FTCDNL1: variants seen among roughly 807,000 people sequenced by gnomAD.
The protein encoded by FTCDNL1 is formiminotransferase cyclodeaminase N-terminal like.
A neutral mutation model predicts 5.9 loss-of-function variants in FTCDNL1; 11 were observed. That is an observed-to-expected ratio of 1.87 (90% confidence interval 1.18 to 3.10). The LOEUF (loss-of-function observed/expected upper bound fraction) is 3.10. Ranked by LOEUF, FTCDNL1 falls within the 30% of genes most tolerant of loss-of-function variation. The pLI is 0.00. For synonymous variants in FTCDNL1, 58 were observed against 24.8 expected, an observed-to-expected ratio of 2.34 and a Z score of -3.99; for missense variants, 115 against 65.5, an observed-to-expected ratio of 1.76 and a Z score of -2.61.
the FTCDNL1 span, among the ~76,000 whole-genome samples, chr2:199,734,608 T>C: frequency 6.6e-6 from 1 of 152,220 alleles, no homozygotes; most frequent in Non-Finnish European, 1.5e-5. Flanking sequence ...TTATTATTAT[T>C]CTGGACCCAA....
chr2:199,715,168 A>G, the FTCDNL1 span, among the ~76,000 whole-genome samples: 1 of 151,894 alleles, frequency 6.6e-6, no homozygotes, highest in African/African-American at 2.4e-5. Flanking sequence ...GACTTTTTGT[A>G]ATTCAAGCAA....
the FTCDNL1 span, among the ~76,000 whole-genome samples, chr2:199,678,473 T>A: frequency 6.6e-6 from 1 of 152,118 alleles, no homozygotes; most frequent in Non-Finnish European, 1.5e-5. Flanking sequence ...TTTTAAAGAA[T>A]AATTTAATTT....
chr2:199,710,251 T>C, the FTCDNL1 span, among the ~76,000 whole-genome samples: 973 of 152,304 alleles, frequency 6.4e-3, 12 homozygotes, highest in African/African-American at 0.022. Context: ...AACGCTGAAG[T>C]GCTATCTAAC....
chr2:199,714,090 T>C, the FTCDNL1 span, among the ~76,000 whole-genome samples: 2 of 152,214 alleles, frequency 1.3e-5, no homozygotes, highest in African/African-American at 2.4e-5. Context: ...AGGAAAACTA[T>C]TTTGAATTTA....
At chr2:199,753,353 A>C in the FTCDNL1 span, among the ~76,000 whole-genome samples, 1 of 152,232 alleles carries the variant, frequency 6.6e-6, no homozygotes, top group Non-Finnish European at 1.5e-5. Context: ...GAGGAGGTGC[A>C]GCAGGGGACA....
intron 3 of FTCDNL1, among the ~76,000 whole-genome samples, chr2:199,833,254 G>A (rs999946671): frequency 6.6e-5 from 10 of 152,288 alleles, no homozygotes; most frequent in Admixed American, 5.2e-4. Context: ...TTACAGGCAT[G>A]AGCCAGTGTG....
At chr2:199,845,038 A>G (rs2076692956) in intron 3 of FTCDNL1, among the ~76,000 whole-genome samples, 1 of 152,132 alleles carries the variant, frequency 6.6e-6, no homozygotes, top group Non-Finnish European at 1.5e-5. Context: ...GGCATGAGCC[A>G]CTGTGCCCAA....
chr2:199,745,019 C>G, the FTCDNL1 span, among the ~76,000 whole-genome samples: 3 of 152,236 alleles, frequency 2.0e-5, no homozygotes, highest in African/African-American at 7.2e-5. Flanking sequence ...GTCCACCGGG[C>G]AAACCAGGCC....
chr2:199,687,604 C>G, the FTCDNL1 span, among the ~76,000 whole-genome samples: 1 of 152,106 alleles, frequency 6.6e-6, no homozygotes, highest in Non-Finnish European at 1.5e-5. Flanking sequence ...GTTGTAAGTG[C>G]AAACCCATCA....
At chr2:199,839,132 G>A (rs1465960569) in intron 3 of FTCDNL1, among the ~76,000 whole-genome samples, 3 of 151,758 alleles carry the variant, frequency 2.0e-5, no homozygotes, top group Admixed American at 6.6e-5. Flanking sequence ...CAGCCAACAC[G>A]GCATTATCAA....
At chr2:199,681,299 C>T in the FTCDNL1 span, among the ~76,000 whole-genome samples, 1 of 151,604 alleles carries the variant, frequency 6.6e-6, no homozygotes, top group Non-Finnish European at 1.5e-5. Context: ...ACTAATAATA[C>T]AAAAAAATTA....
rs901489150 is a variant in FTCDNL1 at position 199,781,087 on chromosome 2, A to G, written c.212-20252T>C. On this transcript the variant is annotated intron_variant, in intron 3 of 3. Transcript: ENST00000416668. The stretch of plus-strand genomic sequence containing the variant: ...ACTTTCTCCTTCCACATAGATGTTC[A>G]TATGATATTCAAGGCTCTCTTACTT... Among the ~76,000 whole-genome samples the G allele has an allele frequency of 2.6e-5, 4 of 152,188 alleles. No individual in the cohort carries two copies. The East Asian group carries it at 7.7e-4, about 29-fold the overall frequency.
chr2:199,784,354 G>A (rs1699529080), intron 3 of FTCDNL1, among the ~76,000 whole-genome samples: 2 of 152,156 alleles, frequency 1.3e-5, no homozygotes, highest in African/African-American at 4.8e-5. Context: ...TAAAGATTAG[G>A]AATTGCACCA....
intron 3 of FTCDNL1, among the ~76,000 whole-genome samples, chr2:199,832,899 A>C (rs1247047163): frequency 6.6e-6 from 1 of 152,150 alleles, no homozygotes; most frequent in Non-Finnish European, 1.5e-5. Flanking sequence ...AAGAGACTAA[A>C]AAATTTTCTC....
chr2:199,700,345 G>A, the FTCDNL1 span, among the ~76,000 whole-genome samples: 3 of 152,102 alleles, frequency 2.0e-5, no homozygotes, highest in Non-Finnish European at 2.9e-5. Flanking sequence ...CTAACAGGGA[G>A]GTGAAAGATC....
chr2:199,784,353 G>A (rs2106336952), intron 3 of FTCDNL1, among the ~76,000 whole-genome samples: 1 of 152,284 alleles, frequency 6.6e-6, no homozygotes, highest in South Asian at 2.1e-4. Context: ...GTAAAGATTA[G>A]GAATTGCACC....
intron 3 of FTCDNL1, among the ~76,000 whole-genome samples, chr2:199,842,584 T>C (rs561681277): frequency 2.6e-5 from 4 of 152,356 alleles, no homozygotes; most frequent in South Asian, 2.1e-4. Context: ...ATAAATCCTC[T>C]GAATACCAAC....
the FTCDNL1 span, among the ~76,000 whole-genome samples, chr2:199,682,643 GA>G: frequency 6.6e-6 from 1 of 152,094 alleles, no homozygotes; most frequent in Non-Finnish European, 1.5e-5. Context: ...TAACTCACCA[GA>G]ACTTTCAAAA....
chr2:199,841,751 A>G (rs1395488553), intron 3 of FTCDNL1, among the ~76,000 whole-genome samples: 1 of 152,150 alleles, frequency 6.6e-6, no homozygotes, highest in Non-Finnish European at 1.5e-5. Flanking sequence ...GTCCCTCACC[A>G]GCAACAGCCC....
Sources: gnomAD v4.1 joint callset for allele counts (sites outside exome capture counted in the v4.1 genomes callset) on GRCh38, gnomAD v4.1.1 for gene constraint, MANE v1.5 for transcripts, NCBI Gene and HGNC (gene_info 2026-07-23, HGNC 2026-07-21) for gene names.